The following STIM2 variants were observed in gnomAD, a reference collection of about 807,000 sequenced individuals.
STIM2 encodes stromal interaction molecule 2.
STIM2 carries 31 observed loss-of-function variants against 85.8 expected under a neutral mutation model. The observed-to-expected ratio is 0.36, with a 90% CI of 0.27 to 0.49. STIM2 has a LOEUF of 0.49. Among genes scored for constraint, STIM2 ranks in the 20% least tolerant of loss-of-function variants. The probability of loss-of-function intolerance (pLI) is 0.98; values close to 1 mark genes in which losing one functional copy is unlikely to be tolerated. For synonymous variants in STIM2, 356 were observed against 331.1 expected, an observed-to-expected ratio of 1.08 and a Z score of -0.82; for missense variants, 841 against 927.6, an observed-to-expected ratio of 0.91 and a Z score of 1.21.
At chr4:26,997,596 A>G (rs1480431255) in intron 4 of STIM2, among the ~76,000 whole-genome samples, 1 of 152,092 alleles carries the variant, frequency 6.6e-6, no homozygotes, top group Non-Finnish European at 1.5e-5. Context: ...ACTACATCTC[A>G]TTGTCTTTCT....
intron 1 of STIM2, among the ~76,000 whole-genome samples, chr4:26,882,615 C>T (rs1723054670): frequency 6.6e-6 from 1 of 151,680 alleles, no homozygotes; most frequent in South Asian, 2.1e-4. Context: ...GCATGTGCCA[C>T]CATACCCAGC....
chr4:26,996,004 C>T (rs1472525902), intron 4 of STIM2, among the ~76,000 whole-genome samples: 1 of 151,830 alleles, frequency 6.6e-6, no homozygotes, highest in Non-Finnish European at 1.5e-5. Context: ...TCATTTAACC[C>T]TCATGATTAA....
intron 2 of STIM2, among the ~76,000 whole-genome samples, chr4:26,934,105 AATCACT>A (rs771684026): frequency 4.6e-4 from 70 of 152,280 alleles, no homozygotes; most frequent in Non-Finnish European, 8.4e-4. Flanking sequence ...GAGGCAGAAG[AATCACT>A]TGAACCCAGG....
chr4:26,922,287 A>G (rs1724834137), intron 2 of STIM2, among the ~76,000 whole-genome samples: 1 of 152,080 alleles, frequency 6.6e-6, no homozygotes, highest in South Asian at 2.1e-4. Context: ...TCTAAACCAA[A>G]GAGATTTTCT....
chr4:26,971,319 G>A (rs372850346), intron 3 of STIM2, among the ~76,000 whole-genome samples: 496 of 152,090 alleles, frequency 3.3e-3, no homozygotes, highest in African/African-American at 0.011. Context: ...GTCCTTGCCC[G>A]TGCCTATGTC....
chr4:26,987,350 G>T (rs1053393195), intron 3 of STIM2, among the ~76,000 whole-genome samples: 3 of 152,144 alleles, frequency 2.0e-5, no homozygotes, highest in Admixed American at 2.0e-4. Flanking sequence ...AGGGAAACTG[G>T]GTGCAGAATC....
At chr4:26,965,368 G>T (rs563869657) in intron 3 of STIM2, among the ~76,000 whole-genome samples, 1 of 152,204 alleles carries the variant, frequency 6.6e-6, no homozygotes, top group East Asian at 1.9e-4. Context: ...TGTCTCTCTT[G>T]ATTAATTTAC....
chr4:26,877,131 A>G (rs979717935), intron 1 of STIM2, among the ~76,000 whole-genome samples: 3 of 152,058 alleles, frequency 2.0e-5, no homozygotes, highest in African/African-American at 7.2e-5. Context: ...ACACCAATTA[A>G]GTATATGTTA....
At chr4:26,879,332 CTT>C (rs879419339) in intron 1 of STIM2, among the ~76,000 whole-genome samples, 9 of 145,512 alleles carry the variant, frequency 6.2e-5, no homozygotes, top group Non-Finnish European at 6.1e-5. Flanking sequence ...AACTGTTAAT[CTT>C]TTTTTTTTTT....
intron 1 of STIM2, among the ~76,000 whole-genome samples, chr4:26,883,678 A>G (rs1435955064): frequency 6.6e-6 from 1 of 152,186 alleles, no homozygotes; most frequent in African/African-American, 2.4e-5. Flanking sequence ...ATAAGATATG[A>G]AAAGACTCTT....
intron 1 of STIM2, among the ~76,000 whole-genome samples, chr4:26,892,392 A>C (rs983223033): frequency 3.3e-5 from 5 of 152,148 alleles, no homozygotes; most frequent in African/African-American, 1.2e-4. Flanking sequence ...GACAGCAGAG[A>C]GAGCGAGTGA....
At chr4:26,928,197 T>G (rs1002651832) in intron 2 of STIM2, among the ~76,000 whole-genome samples, 1 of 152,140 alleles carries the variant, frequency 6.6e-6, no homozygotes, top group Non-Finnish European at 1.5e-5. Context: ...ATGGTCCTAT[T>G]ACCTCCCAGA....
intron 7 of STIM2, among the ~76,000 whole-genome samples, chr4:27,004,402 G>T (rs1397454072): frequency 6.6e-6 from 1 of 152,150 alleles, no homozygotes; most frequent in Non-Finnish European, 1.5e-5. Flanking sequence ...TATCCGAGAA[G>T]TGGGTACTAT....
Position 26,947,889 on chromosome 4 carries a change from C to T in STIM2, c.283-9723C>T, listed in dbSNP as rs186460390. On this transcript the variant is annotated intron_variant, in intron 2 of 11. Coordinates refer to ENST00000467087, the MANE Select transcript of STIM2 (RefSeq NM_020860.4). ...CTTATAATCGTATGTCTATCTTTTTCTAAGAACCTATCCAAAGGAAATCAT... is the reference window on the plus strand; with the variant it reads ...CTTATAATCGTATGTCTATCTTTTTTTAAGAACCTATCCAAAGGAAATCAT... 1.8e-4 allele frequency among the ~76,000 whole-genome samples: 27 copies of T among 152,240 alleles called. No homozygotes were observed. The East Asian group carries it at 3.1e-3, about 17-fold the overall frequency.
At chr4:26,878,203 C>T (rs2109034012) in intron 1 of STIM2, among the ~76,000 whole-genome samples, 1 of 152,168 alleles carries the variant, frequency 6.6e-6, no homozygotes, top group South Asian at 2.1e-4. Flanking sequence ...TGGAGAAGTT[C>T]TTGGTTTTCC....
At position 27,022,268 on chromosome 4, in the gene STIM2, G is replaced by A. The variant is rs578035979; in HGVS notation, c.1764-251G>A. 5.3e-5 allele frequency among the ~76,000 whole-genome samples: 8 copies of A among 152,274 alleles called. No individual in the cohort carries two copies. The South Asian group carries it at 1.5e-3, about 28-fold the overall frequency. On this transcript the variant is annotated intron_variant, in intron 11 of 11. Coordinates refer to ENST00000467087, the MANE Select transcript of STIM2 (RefSeq NM_020860.4). ...TTAATTTATTTGACAAAAAGGAGGT[G>A]TACCTTATATTGTCTGTAGTTTGTA...
rs147752739 is a variant in STIM2 at position 26,946,568 on chromosome 4, G to A, written c.283-11044G>A. On this transcript the variant is annotated intron_variant, in intron 2 of 11. Transcript: ENST00000467087. ...CTGACTAGTTTGTGTGTGTGTGTGC[G>A]CACGCATGCGTGCACACATGTATGT... Among the ~76,000 whole-genome samples the A allele has an allele frequency of 8.1e-4, 123 of 152,308 alleles. 1 individual carries two copies. Among genetic ancestry groups the A allele is most frequent in the East Asian group, 7.9e-3 (41 of 5,182 alleles).
At chr4:26,935,700 A>C (rs1458773016) in intron 2 of STIM2, among the ~76,000 whole-genome samples, 1 of 152,212 alleles carries the variant, frequency 6.6e-6, no homozygotes, top group Non-Finnish European at 1.5e-5. Flanking sequence ...CTAGACTTTC[A>C]GGACTCTGAT....
intron 3 of STIM2, among the ~76,000 whole-genome samples, chr4:26,975,404 G>A (rs1254146451): frequency 2.6e-5 from 4 of 152,120 alleles, no homozygotes; most frequent in Admixed American, 1.3e-4. Context: ...TTTGATGTTC[G>A]TGACCTACAG....
Sources: gnomAD v4.1 joint callset for allele counts (sites outside exome capture counted in the v4.1 genomes callset) on GRCh38, gnomAD v4.1.1 for gene constraint, MANE v1.5 for transcripts, NCBI Gene and HGNC (gene_info 2026-07-23, HGNC 2026-07-21) for gene names.